PIK3C2G: variants seen among roughly 807,000 people sequenced by gnomAD.
PIK3C2G encodes phosphatidylinositol-4-phosphate 3-kinase catalytic subunit type 2 gamma, also known as phosphatidylinositol 3-kinase C2 domain-containing subunit gamma.
A neutral mutation model predicts 181.1 loss-of-function variants in PIK3C2G; 168 were observed. The ratio of observed to expected loss-of-function variants is 0.93; its 90% CI spans 0.82 to 1.05. The LOEUF (loss-of-function observed/expected upper bound fraction) is 1.05, where lower values mean the gene tolerates loss of function less well. PIK3C2G is among the 50% of genes least tolerant of loss of function. PIK3C2G has a pLI of 0.00. For synonymous variants in PIK3C2G, 573 were observed against 592.2 expected (o/e 0.97, Z 0.47); for missense variants, 1,869 against 1,732.8 (o/e 1.08, Z -1.40).
rs1942616229 is a variant in PIK3C2G, at chr12:18,378,569, A to AGT, written c.1881-3195_1881-3194dup. Among the ~76,000 whole-genome samples, 3 of 152,212 alleles carry AGT rather than the reference A, an allele frequency of 2.0e-5. No homozygotes were observed. In the South Asian group the frequency reaches 6.2e-4, roughly 32 times the overall value. ...GCACAGCAAAAGAAACTACCATCAGAGTGAACAGGCAACCTACAGAATGGG... is the reference window on the plus strand; with the variant it reads ...GCACAGCAAAAGAAACTACCATCAGAGTGTGAACAGGCAACCTACAGAATGGG... On this transcript the variant is annotated intron_variant, in intron 13 of 32. Transcript: ENST00000538779.
chr12:18,673,238 T>A, the PIK3C2G span, among the ~76,000 whole-genome samples: 1 of 152,130 alleles, frequency 6.6e-6, no homozygotes, highest in Admixed American at 6.6e-5. Flanking sequence ...AACAAAATTT[T>A]AAAAAACTGT....
intron 13 of PIK3C2G, among the ~76,000 whole-genome samples, chr12:18,378,626 AG>A (rs756466773): frequency 3.5e-4 from 54 of 152,182 alleles, no homozygotes; most frequent in Non-Finnish European, 6.2e-4. Context: ...CATCTGACAA[AG>A]GGCTAATATC....
chr12:18,253,711 T>A (rs1591760232), intron 1 of PIK3C2G, among the ~76,000 whole-genome samples: 1 of 152,304 alleles, frequency 6.6e-6, no homozygotes, highest in African/African-American at 2.4e-5. Flanking sequence ...ACTATTTATG[T>A]GTTTCCCAAA....
chr12:18,519,404 T>C (rs973847707), intron 24 of PIK3C2G, among the ~76,000 whole-genome samples: 2 of 152,240 alleles, frequency 1.3e-5, no homozygotes, highest in Non-Finnish European at 2.9e-5. Flanking sequence ...TGGGTGCTCC[T>C]GTACTGGGTG....
chr12:18,600,496 A>G (rs1390104973), intron 30 of PIK3C2G, among the ~76,000 whole-genome samples: 1 of 152,064 alleles, frequency 6.6e-6, no homozygotes, highest in African/African-American at 2.4e-5. Flanking sequence ...TCAAATAGTT[A>G]GAACAAAGAA....
intron 20 of PIK3C2G, chr12:18,493,861 A>T (rs892396881): frequency 6.6e-6 from 1 of 152,200 alleles, no homozygotes; most frequent in African/African-American, 2.4e-5. Flanking sequence ...CAAATTCTCA[A>T]CCTTTGCCTC....
At chr12:18,481,654 T>A (rs1441805713) in intron 18 of PIK3C2G, among the ~76,000 whole-genome samples, 3 of 152,184 alleles carry the variant, frequency 2.0e-5, no homozygotes, top group East Asian at 1.9e-4. Flanking sequence ...AGTTTTTTTT[T>A]AAATACAATT....
At chr12:18,410,247 C>T (rs1203474807) in intron 16 of PIK3C2G, among the ~76,000 whole-genome samples, 2 of 152,150 alleles carry the variant, frequency 1.3e-5, no homozygotes, top group Non-Finnish European at 2.9e-5. Context: ...CGCCTATAAT[C>T]CCAACACTTT....
chr12:18,414,336 T>A (rs1945046232), intron 16 of PIK3C2G, among the ~76,000 whole-genome samples: 1 of 152,162 alleles, frequency 6.6e-6, no homozygotes, highest in African/African-American at 2.4e-5. Flanking sequence ...GAAAAACTTT[T>A]TAAAACTTAG....
chr12:18,510,088 G>C (rs1666213222), intron 24 of PIK3C2G, among the ~76,000 whole-genome samples: 1 of 152,028 alleles, frequency 6.6e-6, no homozygotes, highest in African/African-American at 2.4e-5. Flanking sequence ...TCCCACCTCA[G>C]CCTCCCAAGT....
chr12:18,392,082 T>C (rs1449238888), intron 15 of PIK3C2G, among the ~76,000 whole-genome samples: 2 of 151,968 alleles, frequency 1.3e-5, no homozygotes, highest in Admixed American at 1.3e-4. Context: ...AGGAGGTGAA[T>C]GTAACAGTTT....
the PIK3C2G span, among the ~76,000 whole-genome samples, chr12:18,687,591 C>T: frequency 6.6e-6 from 1 of 152,076 alleles, no homozygotes; most frequent in Non-Finnish European, 1.5e-5. Context: ...CTTCACTTCC[C>T]TTATGGCAAA....
chr12:18,597,072 A>G (rs1425807951), intron 30 of PIK3C2G, among the ~76,000 whole-genome samples: 2 of 152,076 alleles, frequency 1.3e-5, no homozygotes, highest in Non-Finnish European at 2.9e-5. Context: ...GATGAGTTAG[A>G]GGGCTTTCTC....
At chr12:18,447,259 G>T (rs1290528283) in intron 18 of PIK3C2G, among the ~76,000 whole-genome samples, 2 of 152,136 alleles carry the variant, frequency 1.3e-5, no homozygotes, top group Non-Finnish European at 2.9e-5. Flanking sequence ...CTTGTGCCCA[G>T]TTAGGTAGAT....
At chr12:18,251,582 C>G (rs954511183) in intron 1 of PIK3C2G, among the ~76,000 whole-genome samples, 1 of 151,918 alleles carries the variant, frequency 6.6e-6, no homozygotes, top group Non-Finnish European at 1.5e-5. Context: ...TCACAATGCA[C>G]CATGGTTTAA....
intron 11 of PIK3C2G, among the ~76,000 whole-genome samples, chr12:18,352,881 TG>T (rs1179681204): frequency 6.6e-6 from 1 of 152,144 alleles, no homozygotes; most frequent in Non-Finnish European, 1.5e-5. Context: ...TTTCCTTCTC[TG>T]CCACTCTGCT....
intron 29 of PIK3C2G, among the ~76,000 whole-genome samples, chr12:18,584,902 GA>G (rs1225724101): frequency 2.0e-5 from 3 of 151,856 alleles, no homozygotes; most frequent in Admixed American, 6.5e-5. Context: ...CATACTTAAA[GA>G]AAAAAAATCT....
intron 31 of PIK3C2G, among the ~76,000 whole-genome samples, chr12:18,637,107 C>T (rs1430357532): frequency 6.6e-6 from 1 of 152,192 alleles, no homozygotes; most frequent in Non-Finnish European, 1.5e-5. Flanking sequence ...CATTTTGAGT[C>T]TCTTGAATTC....
intron 29 of PIK3C2G, among the ~76,000 whole-genome samples, chr12:18,589,772 A>C (rs1390914637): frequency 6.6e-6 from 1 of 152,006 alleles, no homozygotes; most frequent in Non-Finnish European, 1.5e-5. Flanking sequence ...GCATTCTCCA[A>C]GGCTAATTGC....
Sources: gnomAD v4.1 joint callset for allele counts (sites outside exome capture counted in the v4.1 genomes callset) on GRCh38, gnomAD v4.1.1 for gene constraint, MANE v1.5 for transcripts, NCBI Gene and HGNC (gene_info 2026-07-23, HGNC 2026-07-21) for gene names.